SNTB1: variants seen among roughly 807,000 people sequenced by gnomAD.
SNTB1 encodes the protein beta-1-syntrophin.
A neutral mutation model predicts 48.9 loss-of-function variants in SNTB1; 36 were observed. The observed-to-expected ratio is 0.74, with a 90% confidence interval of 0.56 to 0.97. The LOEUF is 0.97. Ranked by LOEUF, SNTB1 falls within the 50% of genes least tolerant of loss-of-function variation. The pLI, the probability that SNTB1 is intolerant of heterozygous loss-of-function variation, is 0.00. For missense variants in SNTB1, 786 were observed against 703.4 expected (o/e 1.12, Z -1.33); for synonymous variants, 299 against 294.6 (o/e 1.01, Z -0.15).
intron 1 of SNTB1, among the ~76,000 whole-genome samples, chr8:120,783,696 C>T (rs1314209538): frequency 6.6e-6 from 1 of 152,168 alleles, no homozygotes; most frequent in East Asian, 1.9e-4. Flanking sequence ...CAAAGAAGAA[C>T]AATCAGTAAA....
chr8:120,571,424 G>T, intron 4 of SNTB1: 3 of 936,756 alleles, frequency 3.2e-6, no homozygotes, highest in Non-Finnish European at 4.5e-6. Flanking sequence ...GGACCCCAAG[G>T]CACAGCCTGA....
At chr8:120,772,191 C>G (rs1201888109) in intron 1 of SNTB1, among the ~76,000 whole-genome samples, 1 of 151,804 alleles carries the variant, frequency 6.6e-6, no homozygotes, top group Non-Finnish European at 1.5e-5. Context: ...TATCTGTCCT[C>G]TCCAGAACCC....
intron 3 of SNTB1, among the ~76,000 whole-genome samples, chr8:120,599,576 A>G (rs557335475): frequency 2.4e-4 from 36 of 152,348 alleles, no homozygotes; most frequent in Non-Finnish European, 4.3e-4. Context: ...CCAAATATTC[A>G]GACTGGCCAT....
chr8:120,736,607 C>T (rs1818948638), intron 1 of SNTB1, among the ~76,000 whole-genome samples: 1 of 152,198 alleles, frequency 6.6e-6, no homozygotes, highest in Admixed American at 6.5e-5. Context: ...AAAAAGGCTT[C>T]ACAAATACCT....
At chr8:120,771,947 A>ACCACCT (rs1563597012) in intron 1 of SNTB1, among the ~76,000 whole-genome samples, 1 of 149,416 alleles carries the variant, frequency 6.7e-6, no homozygotes, top group Non-Finnish European at 1.5e-5. Flanking sequence ...TTGGCTCACA[A>ACCACCT]CCACCTCCAC....
chr8:120,632,772 G>A (rs918822608), intron 2 of SNTB1, 121 bp from the exon 3 acceptor site: 1 of 802,982 alleles, frequency 1.2e-6, no homozygotes. Flanking sequence ...AGTTTCTAAC[G>A]GGATGCCTTA....
intron 1 of SNTB1, among the ~76,000 whole-genome samples, chr8:120,744,121 A>ATTTTTTTTTTTTT (rs35604534): frequency 4.4e-5 from 6 of 136,098 alleles, no homozygotes; most frequent in Non-Finnish European, 8.0e-5. Flanking sequence ...CCCTGTCTCA[A>ATTTTTTTTTTTTT]TTTTTTTTTT....
rs541637733 is a variant in SNTB1 at position 120,584,196 on chromosome 8, C to T, written c.997-8971G>A. 7.9e-5 allele frequency among the ~76,000 whole-genome samples: 12 copies of T among 152,050 alleles called. No homozygotes were observed. In the South Asian group the frequency reaches 1.7e-3, roughly 21 times the overall value. On this transcript the variant is annotated intron_variant, in intron 3 of 6. Coordinates refer to ENST00000517992, the MANE Select transcript of SNTB1 (RefSeq NM_021021.4). The stretch of plus-strand genomic sequence containing the variant: ...GTGGCTCATGCCTGTAATCCCAGCA[C>T]TTTGGGAGGCCGAGGCGGGCAGATC...
At position 120,648,251 on chromosome 8, in the gene SNTB1, C is replaced by A. The variant is rs1397686778; in HGVS notation, c.789-15600G>T. On this transcript the variant is annotated intron_variant, in intron 2 of 6. Transcript: ENST00000517992. ...TTTTGCTCGTTAGTTGATGCAGTTT[C>A]TTCCTAGTCTCGATGGTCTTTACAT... 2.2e-5 allele frequency among the ~76,000 whole-genome samples: 3 copies of A among 135,310 alleles called. No homozygotes were observed. In the East Asian group the frequency reaches 6.6e-4, roughly 30 times the overall value. 88.8% of individuals were successfully genotyped at this position (135,310 alleles called of 152,430 possible). A position where few individuals can be genotyped will look rare whatever the true frequency, so the allele number is the denominator to read the frequency against.
chr8:120,574,877 T>G (rs78326187), intron 4 of SNTB1, among the ~76,000 whole-genome samples: 2,048 of 152,288 alleles, frequency 0.013, 51 homozygotes, highest in African/African-American at 0.047. Context: ...TGATGGACGG[T>G]ATTTTGTTCT....
At chr8:120,782,914 G>C (rs1819853712) in intron 1 of SNTB1, among the ~76,000 whole-genome samples, 1 of 152,132 alleles carries the variant, frequency 6.6e-6, no homozygotes, top group African/African-American at 2.4e-5. Context: ...GTTTCTCTTT[G>C]ATTTCCAGTC....
chr8:120,572,744 AAAACAAAC>A lies in SNTB1; in HGVS notation c.1136+2334_1136+2341del, dbSNP rs71306896. Among the ~76,000 whole-genome samples the A allele has an allele frequency of 9.4e-3, 1,419 of 151,102 alleles. 18 individuals are homozygous for A. The highest frequency in any genetic ancestry group is 0.033 in the African/African-American group (1,361 of 41,156). On this transcript the variant is annotated intron_variant, in intron 4 of 6. Transcript: ENST00000517992. ...TCTCTACTAAAAAAACAAAACGAACAAAACAAACAAACAAACAAAAATTAGCCGGGCGT... is the reference window on the plus strand; with the variant it reads ...TCTCTACTAAAAAAACAAAACGAACAAAACAAACAAAAATTAGCCGGGCGT...
intron 3 of SNTB1, among the ~76,000 whole-genome samples, chr8:120,585,840 CAT>C (rs1816130893): frequency 6.6e-6 from 1 of 152,144 alleles, no homozygotes; most frequent in East Asian, 1.9e-4. Flanking sequence ...TCAAACATGT[CAT>C]ATGTTTAACA....
chr8:120,688,516 A>G (rs1167241860), intron 2 of SNTB1, among the ~76,000 whole-genome samples: 1 of 152,222 alleles, frequency 6.6e-6, no homozygotes, highest in African/African-American at 2.4e-5. Flanking sequence ...CTCAGAGCTC[A>G]AAAACCTTAT....
chr8:120,610,899 T>C (rs1460376197), intron 3 of SNTB1, among the ~76,000 whole-genome samples: 2 of 152,204 alleles, frequency 1.3e-5, no homozygotes, highest in Non-Finnish European at 2.9e-5. Flanking sequence ...CTGCTGTGTG[T>C]GGGTGGGGAG....
intron 3 of SNTB1, among the ~76,000 whole-genome samples, chr8:120,610,228 C>G (rs148747856): frequency 0.012 from 1,784 of 152,258 alleles, 36 homozygotes; most frequent in African/African-American, 0.041. Flanking sequence ...CCTCTGCCTC[C>G]CTGGTTAAAG....
At chr8:120,700,948 T>A (rs541588424) in intron 1 of SNTB1, among the ~76,000 whole-genome samples, 2 of 152,212 alleles carry the variant, frequency 1.3e-5, no homozygotes, top group Non-Finnish European at 2.9e-5. Context: ...GGAAAAAAAA[T>A]TCATTGCTTT....
intron 1 of SNTB1, among the ~76,000 whole-genome samples, chr8:120,731,900 A>T (rs1211283129): frequency 6.6e-6 from 1 of 152,230 alleles, no homozygotes; most frequent in Non-Finnish European, 1.5e-5. Context: ...GTATTCCCGA[A>T]TGCTATATAA....
At chr8:120,557,382 C>T (rs138530791) in intron 4 of SNTB1, among the ~76,000 whole-genome samples, 342 of 152,270 alleles carry the variant, frequency 2.2e-3, no homozygotes, top group African/African-American at 7.8e-3. Context: ...TTCTTGGAAG[C>T]CAAGATGAAG....
Sources: gnomAD v4.1 joint callset for allele counts (sites outside exome capture counted in the v4.1 genomes callset) on GRCh38, gnomAD v4.1.1 for gene constraint, MANE v1.5 for transcripts, NCBI Gene and HGNC (gene_info 2026-07-23, HGNC 2026-07-21) for gene names.